Variants in CCDC7 observed in about 807,000 individuals in gnomAD.
The protein encoded by CCDC7 is coiled-coil domain containing 7.
In CCDC7, 183 loss-of-function variants were observed where a neutral mutation model predicts 196.9. The ratio of observed to expected loss-of-function variants is 0.93; its 90% CI spans 0.82 to 1.05. The LOEUF (loss-of-function observed/expected upper bound fraction) is 1.05, where lower values mean the gene tolerates loss of function less well. Among genes scored for constraint, CCDC7 ranks in the 50% least tolerant of loss-of-function variants. The pLI, the probability that CCDC7 is intolerant of heterozygous loss-of-function variation, is 0.00. For missense variants in CCDC7, 1,540 were observed against 1,482.2 expected, an observed-to-expected ratio of 1.04 and a Z score of -0.64; for synonymous variants, 525 against 484.6, an observed-to-expected ratio of 1.08 and a Z score of -1.10.
intron 23 of CCDC7, among the ~76,000 whole-genome samples, chr10:32,694,310 G>GAA (rs2077431378): frequency 6.6e-6 from 1 of 151,894 alleles, no homozygotes; most frequent in Non-Finnish European, 1.5e-5. Context: ...AAGTGTTTTG[G>GAA]GTCTTTATTT....
intron 24 of CCDC7, among the ~76,000 whole-genome samples, chr10:32,709,254 AGG>A (rs2080376947): frequency 6.9e-6 from 1 of 145,914 alleles, no homozygotes. Flanking sequence ...TCTCACTCAT[AGG>A]TGGGAATTGA....
At chr10:32,699,559 G>T (rs1300661468) in intron 24 of CCDC7, among the ~76,000 whole-genome samples, 1 of 149,098 alleles carries the variant, frequency 6.7e-6, no homozygotes, top group Non-Finnish European at 1.5e-5. Context: ...AATCCTTTGG[G>T]TATATACCCA....
At chr10:32,873,148 C>A (rs2094489545) in intron 41 of CCDC7, among the ~76,000 whole-genome samples, 3 of 152,126 alleles carry the variant, frequency 2.0e-5, no homozygotes, top group Non-Finnish European at 1.5e-5. Context: ...AACTTGGTTC[C>A]ATTCTCCCTG....
intron 39 of CCDC7, among the ~76,000 whole-genome samples, chr10:32,851,024 G>A (rs901601303): frequency 1.5e-4 from 23 of 152,156 alleles, no homozygotes; most frequent in African/African-American, 5.5e-4. Context: ...GAGGATACCA[G>A]AATGGAATGC....
At chr10:32,511,468 T>G (rs552703990) in intron 9 of CCDC7, 7 of 1,607,392 alleles carry the variant, frequency 4.4e-6, no homozygotes, top group Non-Finnish European at 5.1e-6. Context: ...TCATATATAC[T>G]CTGATTCTTT....
At chr10:32,794,734 C>T (rs2083273149) in intron 29 of CCDC7, among the ~76,000 whole-genome samples, 2 of 152,084 alleles carry the variant, frequency 1.3e-5, no homozygotes, top group Non-Finnish European at 2.9e-5. Context: ...TGTATGTCTT[C>T]TTTTGATACA....
At chr10:32,486,084 G>T (rs1388647813) in intron 8 of CCDC7, among the ~76,000 whole-genome samples, 1 of 152,168 alleles carries the variant, frequency 6.6e-6, no homozygotes, top group African/African-American at 2.4e-5. Flanking sequence ...TCTGTCTAAT[G>T]TTGACAGTGG....
At chr10:32,751,139 A>G (rs1311411774) in intron 28 of CCDC7, among the ~76,000 whole-genome samples, 8 of 151,906 alleles carry the variant, frequency 5.3e-5, no homozygotes, top group Non-Finnish European at 1.0e-4. Flanking sequence ...TTTATCTGGT[A>G]AGGTAACCCA....
At chr10:32,527,464 G>A (rs1344802297) in intron 11 of CCDC7, among the ~76,000 whole-genome samples, 4 of 152,160 alleles carry the variant, frequency 2.6e-5, no homozygotes, top group African/African-American at 7.2e-5. Context: ...CAGAGGGGAC[G>A]AACAGTGTAG....
intron 28 of CCDC7, among the ~76,000 whole-genome samples, chr10:32,769,150 T>C (rs569407491): frequency 6.6e-6 from 1 of 152,228 alleles, no homozygotes; most frequent in South Asian, 2.1e-4. Flanking sequence ...TTTTTTTTTA[T>C]TGGGAGATTT....
intron 18 of CCDC7, among the ~76,000 whole-genome samples, chr10:32,621,108 CTGT>C (rs1336041253): frequency 2.0e-5 from 3 of 152,080 alleles, no homozygotes; most frequent in African/African-American, 7.2e-5. Context: ...AATAGCAACC[CTGT>C]TGTTTTCAAG....
chr10:32,732,844 T>A (rs542130905), intron 28 of CCDC7, among the ~76,000 whole-genome samples: 1 of 152,144 alleles, frequency 6.6e-6, no homozygotes, highest in Non-Finnish European at 1.5e-5. Context: ...ATCTTTTTAA[T>A]ATTAGTATTT....
chr10:32,462,169 T>G (rs2035877292), intron 3 of CCDC7, among the ~76,000 whole-genome samples: 1 of 152,134 alleles, frequency 6.6e-6, no homozygotes, highest in Non-Finnish European at 1.5e-5. Flanking sequence ...TGGCTCATGC[T>G]CAGTGTTTTG....
At chr10:32,790,725 G>C (rs1465867759) in intron 29 of CCDC7, among the ~76,000 whole-genome samples, 1 of 152,184 alleles carries the variant, frequency 6.6e-6, no homozygotes, top group Non-Finnish European at 1.5e-5. Context: ...CAGGGTCAGA[G>C]TTGCAGCCAT....
intron 8 of CCDC7, among the ~76,000 whole-genome samples, chr10:32,487,051 T>G (rs1458416788): frequency 6.6e-6 from 1 of 152,188 alleles, no homozygotes; most frequent in South Asian, 2.1e-4. Flanking sequence ...CTTGCTAGAT[T>G]GGGGAAGTTC....
chr10:32,475,726 CTCCTGTCTTCTTCTCTGGCCACACTTAA>C (rs1426729214), intron 8 of CCDC7, among the ~76,000 whole-genome samples: 1 of 151,998 alleles, frequency 6.6e-6, no homozygotes, highest in Non-Finnish European at 1.5e-5. Flanking sequence ...TTAAAAGTAC[CTCCTGTCTTCTTCTCTGGCCACACTTAA>C]TCCTCTCTTC....
chr10:32,539,349 T>C (rs1011957174), intron 11 of CCDC7, among the ~76,000 whole-genome samples: 9 of 152,286 alleles, frequency 5.9e-5, no homozygotes, highest in African/African-American at 1.9e-4. Context: ...GATGGTGATT[T>C]GTATTTCTGT....
chr10:32,740,509 T>C (rs2085647430), intron 28 of CCDC7, among the ~76,000 whole-genome samples: 1 of 152,142 alleles, frequency 6.6e-6, no homozygotes, highest in Admixed American at 6.6e-5. Flanking sequence ...ACTTTTCATA[T>C]ACAAGTTCCA....
exon 1 of CCDC7, chr10:32,446,342 C>T (rs548899938): frequency 6.6e-6 from 1 of 152,380 alleles, no homozygotes; most frequent in East Asian, 1.9e-4. Context: ...AGTTTTTCAC[C>T]TTAGAGCCAG....
Sources: allele counts gnomAD v4.1 joint callset (sites outside exome capture counted in the v4.1 genomes callset), GRCh38; gene constraint gnomAD v4.1.1; transcripts MANE v1.5; gene names NCBI Gene and HGNC (gene_info 2026-07-23, HGNC 2026-07-21).